AEBP2: variants seen among roughly 807,000 people sequenced by gnomAD.
The protein encoded by AEBP2 is AE binding protein 2.
AEBP2 carries 10 observed loss-of-function variants against 50.8 expected under a neutral mutation model. That is an observed-to-expected ratio of 0.20 (90% CI 0.12 to 0.33). The LOEUF is 0.33. AEBP2 is among the 10% of genes least tolerant of loss of function. The pLI, the probability that AEBP2 is intolerant of heterozygous loss-of-function variation, is 1.00. For synonymous variants in AEBP2, 296 were observed against 261.3 expected, an observed-to-expected ratio of 1.13 and a Z score of -1.28; for missense variants, 570 against 688.0, an observed-to-expected ratio of 0.83 and a Z score of 1.92.
chr12:19,466,291 C>A (rs1174371828), intron 2 of AEBP2, among the ~76,000 whole-genome samples: 1 of 152,078 alleles, frequency 6.6e-6, no homozygotes, highest in East Asian at 1.9e-4. Context: ...GTGACAAAAT[C>A]CTGTCTCTAC....
chr12:19,436,898 C>T (rs1947866337), upstream of AEBP2, among the ~76,000 whole-genome samples: 1 of 152,228 alleles, frequency 6.6e-6, no homozygotes, highest in East Asian at 1.9e-4. Context: ...CTGCACCTGG[C>T]CCCCATGCTG....
chr12:19,518,006 T>TTAA, intron 7 of AEBP2, 81 bp from the exon 8 acceptor site: 1 of 1,279,576 alleles, frequency 7.8e-7, no homozygotes, highest in Non-Finnish European at 1.1e-6. Flanking sequence ...CTGTATCTTA[T>TTAA]TAATATTTTT....
At chr12:19,435,533 G>T (rs2095753774), upstream of AEBP2, among the ~76,000 whole-genome samples, 1 of 152,030 alleles carries the variant, frequency 6.6e-6, no homozygotes, top group African/African-American at 2.4e-5. Flanking sequence ...CACTGTGACT[G>T]GTCCCCAACA....
At chr12:19,509,878 A>ACTG (rs1476732924) in intron 5 of AEBP2, among the ~76,000 whole-genome samples, 3 of 113,586 alleles carry the variant, frequency 2.6e-5, no homozygotes, top group African/African-American at 3.5e-5. Context: ...TGTTGCTTGG[A>ACTG]CTGGAGTGCA....
chr12:19,430,208 T>G (rs992259094), intron 1 of AEBP2, among the ~76,000 whole-genome samples: 1 of 152,234 alleles, frequency 6.6e-6, no homozygotes, highest in Admixed American at 6.5e-5. Context: ...TAGCCAGTTT[T>G]CCCAGCACCA....
intron 3 of AEBP2, among the ~76,000 whole-genome samples, chr12:19,483,259 T>A (rs1464661477): frequency 1.3e-5 from 2 of 152,174 alleles, no homozygotes; most frequent in Non-Finnish European, 2.9e-5. Context: ...TACAAGGCAT[T>A]TCCCACTGCT....
chr12:19,521,407 T>A lies in AEBP2; in HGVS notation c.*3290T>A, dbSNP rs189383496. 1.3e-5 allele frequency: 2 copies of A among 152,218 alleles called. No individual in the cohort carries two copies. Among genetic ancestry groups the A allele is most frequent in the African/African-American group, 2.4e-5 (1 of 41,462 alleles). The allele number at this position is 152,218 out of a possible 1,614,324, so 9.4% of individuals were successfully genotyped here. Reference sequence around the variant, plus strand: ...CATCATTTCATCATTTGTGTTTCTGTATTTATTTTGCTAAGAACTAAATAA... The same window carrying A: ...CATCATTTCATCATTTGTGTTTCTGAATTTATTTTGCTAAGAACTAAATAA... On this transcript the variant is annotated 3_prime_UTR_variant, in exon 8 of 8. Coordinates refer to ENST00000266508, the MANE Select transcript of AEBP2 (RefSeq NM_153207.5).
chr12:19,518,219 T>TTC lies in AEBP2; in HGVS notation c.*103_*104insCT. ...GTTGCACATTAGAGTCAACCCCTTC[T>TTC]TTTTTTTTTTTTTTTTTTTAAATCC... On this transcript the variant is annotated 3_prime_UTR_variant, in exon 8 of 8. Transcript: ENST00000266508. The TTC allele has an allele frequency of 1.1e-5, 1 of 93,014 alleles. No individual in the cohort carries two copies. The highest frequency in any genetic ancestry group is 1.8e-5 in the Non-Finnish European group (1 of 56,922). The allele number at this position is 93,014 out of a possible 1,614,324, so 5.8% of individuals were successfully genotyped here. A position where few individuals can be genotyped will look rare whatever the true frequency, so the allele number is the denominator to read the frequency against.
intron 3 of AEBP2, among the ~76,000 whole-genome samples, chr12:19,478,156 T>C (rs369041464): frequency 1.1e-3 from 173 of 152,332 alleles, no homozygotes; most frequent in Admixed American, 2.2e-3. Flanking sequence ...TTTTGTATTG[T>C]TGTTGTTCTT....
rs144041555 is a variant in AEBP2 at position 19,472,758 on chromosome 12, C to T, written c.880-490C>T. On this transcript the variant is annotated intron_variant, in intron 2 of 7. Transcript: ENST00000266508. Reference sequence around the variant, plus strand: ...TAAAAGATTGTAATTTGATAATTTTCATTCATTCTTTGAAGTTGAAAATAT... The same window carrying T: ...TAAAAGATTGTAATTTGATAATTTTTATTCATTCTTTGAAGTTGAAAATAT... 8.0e-3 allele frequency among the ~76,000 whole-genome samples: 1,219 copies of T among 152,200 alleles called. 17 individuals are homozygous for T. Among genetic ancestry groups the T allele is most frequent in the African/African-American group, 0.028 (1,146 of 41,520 alleles).
intron 2 of AEBP2, among the ~76,000 whole-genome samples, chr12:19,471,338 C>T (rs1856795485): frequency 6.6e-6 from 1 of 152,112 alleles, no homozygotes; most frequent in Admixed American, 6.5e-5. Flanking sequence ...AGGCTGGCCT[C>T]ATTCCTGGGC....
chr12:19,454,471 T>G (rs1006180958), intron 1 of AEBP2, among the ~76,000 whole-genome samples: 1 of 152,168 alleles, frequency 6.6e-6, no homozygotes, highest in African/African-American at 2.4e-5. Context: ...CAAGCATGAT[T>G]TTATGTGAAT....
At chr12:19,489,395 A>G (rs1470527636) in intron 3 of AEBP2, among the ~76,000 whole-genome samples, 1 of 152,164 alleles carries the variant, frequency 6.6e-6, no homozygotes, top group African/African-American at 2.4e-5. Context: ...TATGACAAGA[A>G]CAGCATCGGG....
At chr12:19,430,618 G>A (rs906663405) in intron 1 of AEBP2, among the ~76,000 whole-genome samples, 1 of 152,094 alleles carries the variant, frequency 6.6e-6, no homozygotes, top group African/African-American at 2.4e-5. Flanking sequence ...AGCATGGAAT[G>A]TCCTTCCATT....
intron 5 of AEBP2, among the ~76,000 whole-genome samples, chr12:19,509,957 T>C (rs1949210551): frequency 6.6e-6 from 1 of 150,492 alleles, no homozygotes; most frequent in African/African-American, 2.4e-5. Context: ...CTCAGCCTCC[T>C]GAGTAGCTGG....
At chr12:19,509,832 T>C (rs1347182633) in intron 5 of AEBP2, among the ~76,000 whole-genome samples, 2 of 136,958 alleles carry the variant, frequency 1.5e-5, no homozygotes, top group South Asian at 2.4e-4. Context: ...TTTTTTTTTT[T>C]TTTTTTTTTT....
At chr12:19,502,814 A>G (rs1405041498) in intron 5 of AEBP2, among the ~76,000 whole-genome samples, 1 of 151,718 alleles carries the variant, frequency 6.6e-6, no homozygotes, top group South Asian at 2.1e-4. Context: ...ACGCCTGGCT[A>G]ATCTTGTATT....
At chr12:19,508,774 C>A in intron 5 of AEBP2, 1 of 164,084 alleles carries the variant, frequency 6.1e-6, no homozygotes. Flanking sequence ...AGGAGATAAA[C>A]AAATGCCTTA....
intron 2 of AEBP2, among the ~76,000 whole-genome samples, chr12:19,472,129 C>G (rs1948582707): frequency 6.6e-6 from 1 of 152,070 alleles, no homozygotes; most frequent in Non-Finnish European, 1.5e-5. Flanking sequence ...AAATTGACCT[C>G]AATTATTTGT....
Sources: gnomAD v4.1 joint callset for allele counts (sites outside exome capture counted in the v4.1 genomes callset) on GRCh38, gnomAD v4.1.1 for gene constraint, MANE v1.5 for transcripts, NCBI Gene and HGNC (gene_info 2026-07-23, HGNC 2026-07-21) for gene names.